RPS6KA2: variants seen among roughly 807,000 people sequenced by gnomAD.
The protein encoded by RPS6KA2 is ribosomal protein S6 kinase alpha-2.
In RPS6KA2, 42 loss-of-function variants were observed where a neutral mutation model predicts 91.8. That is an observed-to-expected ratio of 0.46 (90% CI 0.36 to 0.59). The LOEUF (loss-of-function observed/expected upper bound fraction) is 0.59, where lower values mean the gene tolerates loss of function less well. RPS6KA2 is among the 20% of genes least tolerant of loss of function. The pLI, the probability that RPS6KA2 is intolerant of heterozygous loss-of-function variation, is 0.00. For synonymous variants in RPS6KA2, 414 were observed against 393.6 expected, an observed-to-expected ratio of 1.05 and a Z score of -0.61; for missense variants, 798 against 978.5, an observed-to-expected ratio of 0.82 and a Z score of 2.46.
intron 12 of RPS6KA2, among the ~76,000 whole-genome samples, chr6:166,454,161 C>A (rs144228349): frequency 1.3e-5 from 2 of 152,236 alleles, no homozygotes; most frequent in Non-Finnish European, 2.9e-5. Flanking sequence ...ATGTACTCTA[C>A]CCATGAACAA....
rs1778651346 is a variant in RPS6KA2, at chr6:166,419,516, C to T, written c.1820+366G>A. On this transcript the variant is annotated intron_variant, in intron 18 of 20. Transcript: ENST00000265678. This position sits in a 1 kb window ranked among gnomAD's most constrained non-coding sequence, Gnocchi z 5.6. ...ACCCAGGTACAGATGCTGTTTGACC[C>T]TGAAGCTGCTATGGGGCTTTCGGTT... Among the ~76,000 whole-genome samples, 1 of 152,226 alleles carries T rather than the reference C, an allele frequency of 6.6e-6. No homozygotes were observed. Among genetic ancestry groups the T allele is most frequent in the Admixed American group, 6.5e-5 (1 of 15,284 alleles).
chr6:166,776,923 A>G (rs1231211746), intron 2 of RPS6KA2, among the ~76,000 whole-genome samples: 3 of 152,224 alleles, frequency 2.0e-5, no homozygotes, highest in African/African-American at 7.2e-5. Flanking sequence ...TCTTGGGTAC[A>G]TACCTAGGAG....
intron 14 of RPS6KA2, 27 bp from the exon 15 acceptor site, chr6:166,432,517 G>C (rs375866897): frequency 2.0e-6 from 3 of 1,471,140 alleles, no homozygotes; most frequent in Non-Finnish European, 2.9e-6. Flanking sequence ...ACATGGCAGT[G>C]AGGGGTCTAC....
chr6:166,793,856 A>G (rs1779157412), intron 2 of RPS6KA2, among the ~76,000 whole-genome samples: 1 of 151,898 alleles, frequency 6.6e-6, no homozygotes, highest in Non-Finnish European at 1.5e-5. Flanking sequence ...AATTAATTCA[A>G]GACGGATTAA....
chr6:166,832,787 G>A (rs1780219542), intron 2 of RPS6KA2, among the ~76,000 whole-genome samples: 1 of 152,122 alleles, frequency 6.6e-6, no homozygotes, highest in Non-Finnish European at 1.5e-5. Flanking sequence ...AATCACTGAA[G>A]TATATTTAAA....
chr6:166,432,531 A>G, intron 14 of RPS6KA2, 41 bp from the exon 15 acceptor site: 1 of 1,345,940 alleles, frequency 7.4e-7, no homozygotes. Context: ...GGTCTACTTT[A>G]GGCTTTCGGG....
At chr6:166,484,434 G>A (rs1445069301) in intron 10 of RPS6KA2, among the ~76,000 whole-genome samples, 2 of 152,094 alleles carry the variant, frequency 1.3e-5, no homozygotes, top group Non-Finnish European at 2.9e-5. Context: ...CCTTCCTTAC[G>A]GTGCCATATG....
intron 16 of RPS6KA2, among the ~76,000 whole-genome samples, chr6:166,429,338 A>G (rs888169619): frequency 1.3e-5 from 2 of 151,134 alleles, no homozygotes; most frequent in African/African-American, 4.9e-5. Flanking sequence ...CCTAATGCTA[A>G]ATGACGAGTT....
intron 2 of RPS6KA2, among the ~76,000 whole-genome samples, chr6:166,828,171 C>T (rs538615625): frequency 3.9e-5 from 6 of 152,220 alleles, no homozygotes; most frequent in African/African-American, 1.4e-4. Context: ...CTGTTCCCTC[C>T]CAGCTTCAGC....
At chr6:166,683,216 C>T (rs555056220) in intron 2 of RPS6KA2, among the ~76,000 whole-genome samples, 9 of 152,352 alleles carry the variant, frequency 5.9e-5, no homozygotes, top group African/African-American at 1.4e-4. Context: ...CTCATACCTA[C>T]GTGTGCCTCT....
chr6:166,688,859 G>A (rs1028533248), intron 2 of RPS6KA2, among the ~76,000 whole-genome samples: 14 of 152,236 alleles, frequency 9.2e-5, no homozygotes, highest in Admixed American at 4.6e-4. Context: ...AAATGAGATC[G>A]TAATTGTGCT....
intron 14 of RPS6KA2, chr6:166,440,055 T>G (rs1207931430): frequency 2.6e-5 from 4 of 152,224 alleles, no homozygotes; most frequent in Admixed American, 2.6e-4. Flanking sequence ...GACACTGGAC[T>G]TTAGCCCAGT....
At position 166,616,812 on chromosome 6, in the gene RPS6KA2, G is replaced by T. The variant is rs369677497; in HGVS notation, c.99+10109C>A. Among the ~76,000 whole-genome samples the T allele has an allele frequency of 2.2e-4, 34 of 152,356 alleles. No individual in the cohort carries two copies. In the South Asian group the frequency reaches 5.8e-3, roughly 26 times the overall value. On this transcript the variant is annotated intron_variant, in intron 1 of 20. Transcript: ENST00000265678. ...ACACAGGGGCAGTGAGCCCACTGTG[G>T]TGCCCATGGGGGGCTGCCCAGCAGG...
intron 1 of RPS6KA2, among the ~76,000 whole-genome samples, chr6:166,613,781 C>G (rs1435591562): frequency 1.3e-5 from 2 of 149,962 alleles, no homozygotes; most frequent in Non-Finnish European, 3.0e-5. Flanking sequence ...TCGGGCTTTC[C>G]ACGGCCTTCA....
intron 6 of RPS6KA2, 98 bp from the exon 7 acceptor site, chr6:166,501,022 G>A (rs1349035335): frequency 1.6e-5 from 19 of 1,163,392 alleles, no homozygotes; most frequent in South Asian, 2.6e-5. Context: ...AGCTGGGGGC[G>A]GACGTTTTCA....
chr6:166,771,896 A>G (rs540194922), intron 2 of RPS6KA2, among the ~76,000 whole-genome samples: 1 of 152,220 alleles, frequency 6.6e-6, no homozygotes, highest in Admixed American at 6.5e-5. Flanking sequence ...GGGTCCAGCG[A>G]TTCTTCCCTG....
At chr6:166,571,330 A>G (rs577699003) in intron 1 of RPS6KA2, among the ~76,000 whole-genome samples, 4 of 152,264 alleles carry the variant, frequency 2.6e-5, no homozygotes, top group Non-Finnish European at 5.9e-5. Context: ...AACTAGAAGA[A>G]AGACCAGCAA....
intron 2 of RPS6KA2, among the ~76,000 whole-genome samples, chr6:166,764,866 G>A (rs1778268274): frequency 6.6e-6 from 1 of 152,224 alleles, no homozygotes; most frequent in South Asian, 2.1e-4. Context: ...CACAACGTGT[G>A]TGTGTTCACA....
intron 3 of RPS6KA2, among the ~76,000 whole-genome samples, chr6:166,528,570 G>A (rs934100069): frequency 1.3e-5 from 2 of 150,104 alleles, no homozygotes; most frequent in South Asian, 2.2e-4. Context: ...TTAACAAATG[G>A]GATCTAATTA....
Sources: allele counts gnomAD v4.1 joint callset (sites outside exome capture counted in the v4.1 genomes callset), GRCh38; gene constraint gnomAD v4.1.1; non-coding constraint Gnocchi (gnomAD v3.1); transcripts MANE v1.5; gene names NCBI Gene and HGNC (gene_info 2026-07-23, HGNC 2026-07-21).